Variants in SLIT2 observed in about 807,000 individuals in gnomAD.
SLIT2 encodes slit guidance ligand 2, also known as slit homolog 2 protein.
Under a neutral mutation model 185.7 loss-of-function variants are expected in SLIT2, and 41 were observed. The ratio of observed to expected loss-of-function variants is 0.22; its 90% confidence interval spans 0.17 to 0.29. The LOEUF is 0.29. Among genes scored for constraint, SLIT2 ranks in the 10% least tolerant of loss-of-function variants. The pLI is 1.00. For missense variants in SLIT2, 1,571 were observed against 1,909.0 expected (o/e 0.82, Z 3.30); for synonymous variants, 693 against 680.2 (o/e 1.02, Z -0.29).
intron 26 of SLIT2, among the ~76,000 whole-genome samples, chr4:20,563,024 G>C (rs1255104494): frequency 2.6e-5 from 4 of 151,788 alleles, no homozygotes; most frequent in Non-Finnish European, 5.9e-5. Context: ...TGCGTAACTA[G>C]TGATTTTAGT....
chr4:20,398,319 T>C (rs1726080576), intron 4 of SLIT2, among the ~76,000 whole-genome samples: 2 of 151,824 alleles, frequency 1.3e-5, no homozygotes, highest in Admixed American at 1.3e-4. Context: ...GTCTTTGCAT[T>C]TGATTTGGCC....
chr4:20,439,822 G>A (rs1215665507), intron 4 of SLIT2, among the ~76,000 whole-genome samples: 3 of 152,156 alleles, frequency 2.0e-5, no homozygotes, highest in Non-Finnish European at 2.9e-5. Flanking sequence ...TTTGTGCTGT[G>A]AACTCCGTTA....
intron 9 of SLIT2, among the ~76,000 whole-genome samples, chr4:20,496,319 T>A (rs1221695485): frequency 1.3e-5 from 2 of 152,160 alleles, no homozygotes; most frequent in Non-Finnish European, 2.9e-5. Context: ...AAAGTCAGAA[T>A]TAGAATAATT....
chr4:20,255,463 T>A (rs1711714477), intron 1 of SLIT2, among the ~76,000 whole-genome samples: 2 of 152,104 alleles, frequency 1.3e-5, no homozygotes. Flanking sequence ...TGTAGGGTGG[T>A]GGGTGGAGAT....
rs1306203864 is a variant in SLIT2 at position 20,256,307 on chromosome 4, CTT to C, written c.180-357_180-356del. Among the ~76,000 whole-genome samples the C allele has an allele frequency of 7.0e-3, 881 of 125,770 alleles. 12 individuals carry two copies. Among genetic ancestry groups the C allele is most frequent in the African/African-American group, 0.026 (841 of 32,720 alleles). The allele number at this position is 125,770 out of a possible 152,430, so 82.5% of individuals were successfully genotyped here. On this transcript the variant is annotated intron_variant, in intron 1 of 36. Transcript: ENST00000504154. ...TGGGCATTTAACCTCCTGAAGGGAA[CTT>C]TTTTTTTGGGGGGGGTGCCTAACAA... is the stretch of plus-strand genomic sequence containing the variant.
In SLIT2 at chr4:20,619,645, T is replaced by C; in HGVS notation, c.*636T>C. The C allele has an allele frequency of 6.6e-6, 1 of 152,110 alleles. No individual in the cohort carries two copies. Among genetic ancestry groups the C allele is most frequent in the East Asian group, 1.9e-4 (1 of 5,194 alleles). The allele number at this position is 152,110 out of a possible 1,614,324, so 9.4% of individuals were successfully genotyped here. A position where few individuals can be genotyped will look rare whatever the true frequency, so the allele number is the denominator to read the frequency against. On this transcript the variant is annotated 3_prime_UTR_variant, in exon 37 of 37. Transcript: ENST00000504154. Reference sequence around the variant, plus strand: ...AGTCTTTACCATTTTCCAGTATTAATTTTTTTGTAATATAAATGATAAAGG... The same window carrying C: ...AGTCTTTACCATTTTCCAGTATTAACTTTTTTGTAATATAAATGATAAAGG...
chr4:20,567,652 A>C (rs2148914126), intron 28 of SLIT2, 37 bp downstream of exon 28: 1 of 1,460,432 alleles, frequency 6.8e-7, no homozygotes, highest in African/African-American at 1.4e-5. Flanking sequence ...TGTCTGAAGT[A>C]TTGGAGCAAA....
At chr4:20,392,114 A>G (rs1725472911) in intron 4 of SLIT2, 1 of 151,998 alleles carries the variant, frequency 6.6e-6, no homozygotes, top group African/African-American at 2.4e-5. Flanking sequence ...CGATTTTGTC[A>G]TTGTGTGACA....
Position 20,488,912 on chromosome 4 carries a change from G to A in SLIT2, c.705G>A (p.Gln235=), listed in dbSNP as rs913456128. The A allele has an allele frequency of 1.2e-6, 2 of 1,612,370 alleles. No individual in the cohort carries two copies. The highest frequency in any genetic ancestry group is 1.3e-5 in the African/African-American group (1 of 74,916). Residue 235 remains glutamine, a synonymous_variant, in exon 8 of 37, where the codon CAG becomes CAA. Transcript: ENST00000504154. ...GGCCTCGGGTTGGTCTGTACACTCA[G>A]TGTATGGGCCCCTCCCACCTGAGAG... The part of the protein sequence containing the change: ...RQRPRVGLYT[Q]CMGPSHLRGH...
chr4:20,471,383 A>C (rs1714996298), intron 5 of SLIT2, among the ~76,000 whole-genome samples: 1 of 152,150 alleles, frequency 6.6e-6, no homozygotes, highest in South Asian at 2.1e-4. Context: ...GTCATGGCTC[A>C]ATACATTTCC....
At chr4:20,256,611 T>C in intron 1 of SLIT2, 61 bp from the exon 2 acceptor site, 1 of 832,766 alleles carries the variant, frequency 1.2e-6, no homozygotes, top group African/African-American at 1.7e-5. Context: ...CTCTAAACTT[T>C]ACTTGAAGCA....
chr4:20,503,214 A>G (rs868680432), intron 9 of SLIT2, among the ~76,000 whole-genome samples: 57 of 152,326 alleles, frequency 3.7e-4, no homozygotes, highest in Middle Eastern at 3.4e-3. Flanking sequence ...AGTGATCAGC[A>G]TTATTTAAAT....
chr4:20,330,100 C>T (rs1330742355), intron 4 of SLIT2, among the ~76,000 whole-genome samples: 2 of 152,034 alleles, frequency 1.3e-5, no homozygotes, highest in Non-Finnish European at 2.9e-5. Context: ...CATACTTTCT[C>T]ATTTTACACT....
At chr4:20,368,047 T>G (rs921139934) in intron 4 of SLIT2, among the ~76,000 whole-genome samples, 4 of 152,070 alleles carry the variant, frequency 2.6e-5, no homozygotes, top group African/African-American at 9.7e-5. Context: ...ACTCAATAGT[T>G]GTGTACAATA....
intron 4 of SLIT2, among the ~76,000 whole-genome samples, chr4:20,280,091 T>C (rs557861840): frequency 6.6e-6 from 1 of 152,164 alleles, no homozygotes; most frequent in East Asian, 1.9e-4. Flanking sequence ...CCCAGCACTT[T>C]GGGAGGCGGA....
intron 4 of SLIT2, among the ~76,000 whole-genome samples, chr4:20,306,579 A>G (rs1002016115): frequency 1.3e-5 from 2 of 152,200 alleles, no homozygotes; most frequent in African/African-American, 4.8e-5. Context: ...TAATTTTTCA[A>G]TAGATTTATT....
intron 4 of SLIT2, among the ~76,000 whole-genome samples, chr4:20,278,148 G>A (rs1714350298): frequency 6.6e-6 from 1 of 151,600 alleles, no homozygotes; most frequent in Non-Finnish European, 1.5e-5. Context: ...AATTTTTCCA[G>A]AAATGAACAT....
Position 20,617,176 on chromosome 4 carries a change from A to G in SLIT2, c.4114A>G (p.Asn1372Asp). The change falls in exon 35 of 37, where the codon AAT becomes GAT. Residue 1372 changes from asparagine to aspartate, a missense_variant. This residue lies in a region of SLIT2 where 223 missense variants were observed against 245.2 expected (regional missense o/e 0.91). Transcript: ENST00000504154. Reference protein sequence around the residue: ...WMGPLCDQRTNDPCLGNKCVH... With the variant: ...WMGPLCDQRTDDPCLGNKCVH... ...GGGGCCCCTCTGTGACCAACGGACC[A>G]ATGACCCTTGCCTTGGAAATAAGTA... 6.3e-7 allele frequency: 1 copy of G among 1,593,688 alleles called. No individual in the cohort carries two copies. Among genetic ancestry groups the G allele is most frequent in the Non-Finnish European group, 8.6e-7 (1 of 1,165,712 alleles).
intron 4 of SLIT2, among the ~76,000 whole-genome samples, chr4:20,285,149 A>G (rs904316493): frequency 6.6e-6 from 1 of 152,222 alleles, no homozygotes; most frequent in African/African-American, 2.4e-5. Flanking sequence ...AACTCCAGCC[A>G]TACACTCCTC....
Sources: gnomAD v4.1 joint callset for allele counts (sites outside exome capture counted in the v4.1 genomes callset) on GRCh38, gnomAD v4.1.1 for gene constraint, gnomAD v4.1.1 regional missense constraint, MANE v1.5 for transcripts, NCBI Gene and HGNC (gene_info 2026-07-23, HGNC 2026-07-21) for gene names.